RUNX1: variants seen among roughly 807,000 people sequenced by gnomAD.
The protein encoded by RUNX1 is RUNX family transcription factor 1.
In RUNX1, 19 loss-of-function variants were observed where a neutral mutation model predicts 42.8. The observed-to-expected ratio is 0.44, with a 90% CI of 0.31 to 0.65. RUNX1 has a LOEUF of 0.65. Ranked by LOEUF, RUNX1 falls within the 30% of genes least tolerant of loss-of-function variation. The probability of loss-of-function intolerance (pLI) is 0.07; values close to 1 mark genes in which losing one functional copy is unlikely to be tolerated. For synonymous variants in RUNX1, 271 were observed against 289.4 expected, an observed-to-expected ratio of 0.94 and a Z score of 0.64; for missense variants, 528 against 672.0, an observed-to-expected ratio of 0.79 and a Z score of 2.37.
chr21:35,024,662 C>T (rs1400656415), intron 2 of RUNX1, among the ~76,000 whole-genome samples: 1 of 152,186 alleles, frequency 6.6e-6, no homozygotes, highest in Non-Finnish European at 1.5e-5. Flanking sequence ...CAGCACCAGG[C>T]TTTTATTTTC....
At chr21:34,866,870 C>T (rs1446756674) in intron 5 of RUNX1, among the ~76,000 whole-genome samples, 1 of 152,172 alleles carries the variant, frequency 6.6e-6, no homozygotes, top group Non-Finnish European at 1.5e-5. Flanking sequence ...ACCAGGACTA[C>T]CCTCAAAAGT....
chr21:34,830,101 T>C (rs2057042270), intron 7 of RUNX1: 1 of 152,166 alleles, frequency 6.6e-6, no homozygotes, highest in South Asian at 2.1e-4. Context: ...ATACTAAAAA[T>C]CAAGAGATGA....
chr21:34,928,126 A>C (rs1219640537), intron 2 of RUNX1, among the ~76,000 whole-genome samples: 1 of 152,186 alleles, frequency 6.6e-6, no homozygotes, highest in African/African-American at 2.4e-5. Context: ...ATTTAAGCTA[A>C]TATCACTTAC....
At chr21:34,913,464 G>C (rs564478380) in intron 2 of RUNX1, among the ~76,000 whole-genome samples, 1 of 152,308 alleles carries the variant, frequency 6.6e-6, no homozygotes, top group Non-Finnish European at 1.5e-5. Context: ...GGCCAGGAGT[G>C]TCAGCTTTGG....
chr21:34,972,103 A>C (rs1273082964), intron 2 of RUNX1, among the ~76,000 whole-genome samples: 1 of 152,178 alleles, frequency 6.6e-6, no homozygotes, highest in Non-Finnish European at 1.5e-5. Flanking sequence ...AGTTCATTCC[A>C]TTTATATGGC....
At chr21:34,978,655 C>G (rs1373226987) in intron 2 of RUNX1, among the ~76,000 whole-genome samples, 1 of 152,062 alleles carries the variant, frequency 6.6e-6, no homozygotes, top group East Asian at 1.9e-4. Flanking sequence ...AAGCACGAAA[C>G]TTTTCAACAT....
intron 3 of RUNX1, chr21:34,888,170 G>A: frequency 1.9e-6 from 2 of 1,066,482 alleles, no homozygotes; most frequent in South Asian, 4.5e-5. Flanking sequence ...GCAGCGAGAC[G>A]ATACTCCTCC....
chr21:34,887,208 A>G (rs2058008440), intron 3 of RUNX1, 112 bp from the exon 4 acceptor site: 1 of 1,253,854 alleles, frequency 8.0e-7, no homozygotes, highest in Admixed American at 2.6e-5. Context: ...GGAGACCAAC[A>G]TACACGTTCA....
intron 4 of RUNX1, among the ~76,000 whole-genome samples, chr21:34,882,021 G>C (rs185394239): frequency 6.6e-6 from 1 of 152,216 alleles, no homozygotes; most frequent in East Asian, 1.9e-4. Context: ...ATTTTTGGTT[G>C]CTGTTTTTGA....
chr21:34,873,193 T>C (rs952213257), intron 5 of RUNX1, among the ~76,000 whole-genome samples: 2 of 152,218 alleles, frequency 1.3e-5, no homozygotes, highest in Admixed American at 6.5e-5. Context: ...TTGAGCAAAC[T>C]GGAGTGTTTC....
At chr21:34,817,466 G>C (rs990270602) in intron 7 of RUNX1, among the ~76,000 whole-genome samples, 10 of 152,270 alleles carry the variant, frequency 6.6e-5, no homozygotes, top group African/African-American at 1.9e-4. Flanking sequence ...TCAGCAATGG[G>C]GCTTAGTGCT....
chr21:34,918,904 CA>C (rs1263143344), intron 2 of RUNX1, among the ~76,000 whole-genome samples: 3 of 151,318 alleles, frequency 2.0e-5, no homozygotes, highest in African/African-American at 7.3e-5. Context: ...GATTCTGTCT[CA>C]AAAAAATAAA....
intron 8 of RUNX1, among the ~76,000 whole-genome samples, chr21:34,793,035 G>C (rs955442925): frequency 2.0e-5 from 3 of 151,938 alleles, no homozygotes; most frequent in Admixed American, 2.0e-4. Context: ...GGGACACCCA[G>C]GATGCTACTG....
rs924793281 is a variant in RUNX1, at chr21:35,013,089, C to T, written c.58+35753G>A. On this transcript the variant is annotated intron_variant, in intron 2 of 8. Coordinates refer to ENST00000675419, the MANE Select transcript of RUNX1 (RefSeq NM_001754.5). ...TCTTGCGATGACTGAACAACGTGAA[C>T]GTCCATGTTATCGCATGTATACAAA... 4.6e-5 allele frequency among the ~76,000 whole-genome samples: 7 copies of T among 152,286 alleles called. No individual in the cohort carries two copies. The East Asian group carries it at 5.8e-4, about 13-fold the overall frequency.
At chr21:34,977,546 C>A (rs762639642) in intron 2 of RUNX1, among the ~76,000 whole-genome samples, 5 of 152,182 alleles carry the variant, frequency 3.3e-5, no homozygotes, top group Non-Finnish European at 5.9e-5. Context: ...CCTATTACTA[C>A]CTGCTTTTGC....
chr21:34,930,727 A>T (rs935277090), intron 2 of RUNX1, among the ~76,000 whole-genome samples: 2,169 of 151,718 alleles, frequency 0.014, 51 homozygotes, highest in African/African-American at 0.05. Flanking sequence ...TCTCACACAC[A>T]CACACACACA....
At chr21:34,874,887 A>G (rs992805544) in intron 5 of RUNX1, among the ~76,000 whole-genome samples, 6 of 152,060 alleles carry the variant, frequency 3.9e-5, no homozygotes, top group African/African-American at 1.2e-4. Context: ...AAATCACTCA[A>G]CCATTATTTC....
chr21:35,043,288 A>G (rs1327420862), intron 2 of RUNX1, among the ~76,000 whole-genome samples: 2 of 152,172 alleles, frequency 1.3e-5, no homozygotes, highest in African/African-American at 2.4e-5. Flanking sequence ...CCTTGGCTGG[A>G]GGCTCAGCAA....
chr21:34,944,071 T>C (rs934020513), intron 2 of RUNX1, among the ~76,000 whole-genome samples: 3 of 152,176 alleles, frequency 2.0e-5, no homozygotes, highest in African/African-American at 7.2e-5. Context: ...TGCAGTGGTG[T>C]GATCACAGCT....
Sources: allele counts gnomAD v4.1 joint callset (sites outside exome capture counted in the v4.1 genomes callset), GRCh38; gene constraint gnomAD v4.1.1; transcripts MANE v1.5; gene names NCBI Gene and HGNC (gene_info 2026-07-23, HGNC 2026-07-21).